CARMIL1: variants seen among roughly 807,000 people sequenced by gnomAD.
CARMIL1 encodes the protein capping protein regulator and myosin 1 linker 1.
Under a neutral mutation model 177.1 loss-of-function variants are expected in CARMIL1, and 90 were observed. The observed-to-expected ratio is 0.51, with a 90% CI of 0.43 to 0.61. CARMIL1 has a LOEUF of 0.61. Among genes scored for constraint, CARMIL1 ranks in the 20% least tolerant of loss-of-function variants. The pLI, the probability that CARMIL1 is intolerant of heterozygous loss-of-function variation, is 0.00. For synonymous variants in CARMIL1, 577 were observed against 606.2 expected, an observed-to-expected ratio of 0.95 and a Z score of 0.71; for missense variants, 1,380 against 1,667.0, an observed-to-expected ratio of 0.83 and a Z score of 3.00.
intron 2 of CARMIL1, among the ~76,000 whole-genome samples, chr6:25,358,128 C>T (rs754433540): frequency 3.9e-5 from 6 of 152,108 alleles, no homozygotes; most frequent in Non-Finnish European, 8.8e-5. Context: ...TTATCTAATG[C>T]GTGGGCCAAC....
chr6:25,493,356 G>A (rs573389696), intron 15 of CARMIL1, among the ~76,000 whole-genome samples: 12 of 152,296 alleles, frequency 7.9e-5, no homozygotes, highest in South Asian at 6.2e-4. Flanking sequence ...CTGCATTTAC[G>A]TTGAGGTGTG....
At chr6:25,530,192 G>GAA (rs1171000372) in intron 24 of CARMIL1, among the ~76,000 whole-genome samples, 3 of 137,438 alleles carry the variant, frequency 2.2e-5, no homozygotes, top group Admixed American at 1.4e-4. Context: ...CTAGAATACA[G>GAA]AAAAAAAAAA....
chr6:25,299,368 T>C (rs149649699), intron 2 of CARMIL1, among the ~76,000 whole-genome samples: 4,236 of 150,632 alleles, frequency 0.028, 72 homozygotes, highest in Non-Finnish European at 0.039. Context: ...GACGGGGTTT[T>C]ACCATGTTGG....
intron 26 of CARMIL1, among the ~76,000 whole-genome samples, chr6:25,549,870 G>A (rs1207883280): frequency 6.6e-6 from 1 of 152,192 alleles, no homozygotes; most frequent in Non-Finnish European, 1.5e-5. Context: ...GATGTATTGA[G>A]CTTTTAATAT....
intron 2 of CARMIL1, among the ~76,000 whole-genome samples, chr6:25,412,634 A>G (rs932413259): frequency 2.0e-5 from 3 of 152,188 alleles, no homozygotes; most frequent in African/African-American, 7.2e-5. Flanking sequence ...GCTCTTAGCC[A>G]TGTATATATT....
At chr6:25,329,559 A>T (rs1198284908) in intron 2 of CARMIL1, among the ~76,000 whole-genome samples, 1 of 152,254 alleles carries the variant, frequency 6.6e-6, no homozygotes, top group Non-Finnish European at 1.5e-5. Flanking sequence ...GTAAAAGCAC[A>T]TGAGCAAAGT....
intron 27 of CARMIL1, among the ~76,000 whole-genome samples, chr6:25,551,770 A>AT (rs1336173417): frequency 2.0e-4 from 30 of 152,142 alleles, no homozygotes; most frequent in Non-Finnish European, 3.8e-4. Flanking sequence ...GTTCAGAAGC[A>AT]TTTTTTAATT....
At chr6:25,483,713 T>TA (rs796678289) in intron 12 of CARMIL1, among the ~76,000 whole-genome samples, 46 of 148,744 alleles carry the variant, frequency 3.1e-4, no homozygotes, top group Middle Eastern at 3.5e-3. Context: ...GGAGGTAGAT[T>TA]AAAAAAAAAA....
chr6:25,286,549 CAAT>C (rs1377814766), intron 2 of CARMIL1, among the ~76,000 whole-genome samples: 1 of 152,206 alleles, frequency 6.6e-6, no homozygotes, highest in Non-Finnish European at 1.5e-5. Context: ...TGTTGTTCAA[CAAT>C]GATTGTGCTA....
intron 2 of CARMIL1, among the ~76,000 whole-genome samples, chr6:25,298,358 C>G (rs978006015): frequency 6.6e-6 from 1 of 152,172 alleles, no homozygotes; most frequent in South Asian, 2.1e-4. Context: ...TATGTTTTCT[C>G]TGCTCAGAGC....
intron 36 of CARMIL1, among the ~76,000 whole-genome samples, chr6:25,616,956 A>G (rs867230515): frequency 2.0e-5 from 3 of 152,208 alleles, no homozygotes; most frequent in African/African-American, 7.2e-5. Flanking sequence ...TACTATACTA[A>G]GAACATGTCA....
At chr6:25,548,081 G>T (rs1204246536) in intron 26 of CARMIL1, among the ~76,000 whole-genome samples, 3 of 152,136 alleles carry the variant, frequency 2.0e-5, no homozygotes, top group East Asian at 1.9e-4. Flanking sequence ...ACCATGATTG[G>T]ATTATGAATA....
chr6:25,305,670 T>C (rs1329404023), intron 2 of CARMIL1, among the ~76,000 whole-genome samples: 1 of 152,248 alleles, frequency 6.6e-6, no homozygotes, highest in Non-Finnish European at 1.5e-5. Flanking sequence ...ATTGATAATT[T>C]CTTCTTCTGA....
At chr6:25,592,425 G>C (rs1814412358) in intron 31 of CARMIL1, among the ~76,000 whole-genome samples, 2 of 152,186 alleles carry the variant, frequency 1.3e-5, no homozygotes, top group Non-Finnish European at 2.9e-5. Context: ...TGTAATCAAA[G>C]TTTTTCAGTG....
chr6:25,611,805 C>T (rs150317644), intron 36 of CARMIL1, among the ~76,000 whole-genome samples: 29 of 152,316 alleles, frequency 1.9e-4, no homozygotes, highest in African/African-American at 5.5e-4. Context: ...ACCAGCCTCA[C>T]AAGTACAAAT....
chr6:25,532,995 C>G (rs546394580), intron 24 of CARMIL1, among the ~76,000 whole-genome samples: 4 of 152,198 alleles, frequency 2.6e-5, no homozygotes, highest in Admixed American at 2.6e-4. Context: ...CCAAGCTCTT[C>G]TCTTTAGCCT....
chr6:25,486,575 C>T (rs140719420), intron 12 of CARMIL1, among the ~76,000 whole-genome samples: 67 of 152,206 alleles, frequency 4.4e-4, no homozygotes, highest in East Asian at 1.5e-3. Context: ...ATACTAATAT[C>T]GGGACAAACT....
At chr6:25,546,674 A>C (rs1258282790) in intron 26 of CARMIL1, among the ~76,000 whole-genome samples, 32 of 123,426 alleles carry the variant, frequency 2.6e-4, no homozygotes, top group African/African-American at 7.7e-4. Flanking sequence ...AACAACAAAA[A>C]AAAAAAAAAA....
chr6:25,379,930 G>A (rs953376768), intron 2 of CARMIL1, among the ~76,000 whole-genome samples: 3 of 151,852 alleles, frequency 2.0e-5, no homozygotes, highest in African/African-American at 7.3e-5. Context: ...ACTTTGTATA[G>A]CCTTACATTT....
Sources: gnomAD v4.1 joint callset for allele counts (sites outside exome capture counted in the v4.1 genomes callset) on GRCh38, gnomAD v4.1.1 for gene constraint, MANE v1.5 for transcripts, NCBI Gene and HGNC (gene_info 2026-07-23, HGNC 2026-07-21) for gene names.